Variants in IL23R observed in about 807,000 individuals in gnomAD.
IL23R encodes the protein interleukin 23 receptor.
Under a neutral mutation model 56.9 loss-of-function variants are expected in IL23R, and 34 were observed. The ratio of observed to expected loss-of-function variants is 0.60; its 90% CI spans 0.45 to 0.80. The LOEUF (loss-of-function observed/expected upper bound fraction) is 0.80. IL23R is among the 30% of genes least tolerant of loss of function. The probability of loss-of-function intolerance (pLI) is 0.00; values close to 1 mark genes in which losing one functional copy is unlikely to be tolerated. For synonymous variants in IL23R, 230 were observed against 249.2 expected, an observed-to-expected ratio of 0.92 and a Z score of 0.73; for missense variants, 635 against 730.0, an observed-to-expected ratio of 0.87 and a Z score of 1.50.
intron 4 of IL23R, among the ~76,000 whole-genome samples, chr1:67,188,325 C>A (rs1647497550): frequency 6.6e-6 from 1 of 152,140 alleles, no homozygotes; most frequent in African/African-American, 2.4e-5. Flanking sequence ...GGACTTCGAC[C>A]TACACTGAGT....
chr1:67,258,037 A>G (rs1653047112), intron 10 of IL23R, among the ~76,000 whole-genome samples: 1 of 152,104 alleles, frequency 6.6e-6, no homozygotes, highest in African/African-American at 2.4e-5. Context: ...CATTCTCGGT[A>G]TGTGAGCAAA....
At chr1:67,145,531 C>A (rs1443148793) in intron 1 of IL23R, among the ~76,000 whole-genome samples, 1 of 152,130 alleles carries the variant, frequency 6.6e-6, no homozygotes, top group African/African-American at 2.4e-5. Context: ...CATACCATTG[C>A]ATTGTTGCTG....
At position 67,141,932 on chromosome 1, in the gene IL23R, G is replaced by A. The variant is rs375485773; in HGVS notation, c.-634+2771G>A. ...AGGGGGAAGCGTATTACAGAAGGGA[G>A]AAACAAAGACAGTTATTCAATTAAG... On this transcript the variant is annotated intron_variant, in intron 1 of 10. Coordinates refer to the IL23R transcript ENST00000637002. Among the ~76,000 whole-genome samples the A allele has an allele frequency of 9.2e-5, 14 of 152,272 alleles. No homozygotes were observed. In the East Asian group the frequency reaches 2.5e-3, roughly 27 times the overall value.
chr1:67,212,656 C>T (rs1008117328), intron 6 of IL23R, among the ~76,000 whole-genome samples: 2 of 151,794 alleles, frequency 1.3e-5, no homozygotes, highest in East Asian at 1.9e-4. Context: ...AGCAATCCTC[C>T]TGCCTCAGTC....
intron 7 of IL23R, among the ~76,000 whole-genome samples, chr1:67,221,583 A>C (rs1452711348): frequency 6.6e-6 from 1 of 152,190 alleles, no homozygotes; most frequent in Admixed American, 6.5e-5. Flanking sequence ...GCACATAATA[A>C]AATGAATCTA....
downstream of IL23R, among the ~76,000 whole-genome samples, chr1:67,264,110 C>T (rs1653282583): frequency 2.0e-5 from 3 of 152,342 alleles, no homozygotes; most frequent in East Asian, 1.9e-4. Flanking sequence ...TTACTCTGCA[C>T]TTTAGCCACA....
At chr1:67,233,554 A>G (rs1462474456) in intron 7 of IL23R, among the ~76,000 whole-genome samples, 19 of 152,292 alleles carry the variant, frequency 1.2e-4, no homozygotes. Flanking sequence ...TTGGTAGGCC[A>G]AAAAATATAG....
At chr1:67,160,144 C>T (rs1322605323) in intron 1 of IL23R, among the ~76,000 whole-genome samples, 3 of 152,244 alleles carry the variant, frequency 2.0e-5, no homozygotes, top group South Asian at 2.1e-4. Context: ...TGAGCCACCG[C>T]GCCCAGCCTG....
chr1:67,211,958 T>C (rs940224567), intron 6 of IL23R, among the ~76,000 whole-genome samples: 11 of 152,188 alleles, frequency 7.2e-5, no homozygotes, highest in African/African-American at 2.7e-4. Context: ...ATTATATAAA[T>C]AGGGAAATAG....
At chr1:67,152,691 G>A (rs1032198562) in intron 1 of IL23R, among the ~76,000 whole-genome samples, 18 of 152,030 alleles carry the variant, frequency 1.2e-4, no homozygotes, top group Non-Finnish European at 2.2e-4. Context: ...CCTTTTCTGC[G>A]TCTATTGAGA....
Position 67,240,295 on chromosome 1 carries a change from G to T in IL23R, c.1148+14G>T. On this transcript the variant is annotated intron_variant, in intron 9 of 10. Coordinates refer to ENST00000347310, the MANE Select transcript of IL23R (RefSeq NM_144701.3). ...ATTCCGAACTGGGTAGGTTTTTGCA[G>T]AATTTCTGTTTTCTGATTTAGACTA... 1 of 1,567,750 alleles carries T rather than the reference G, an allele frequency of 6.4e-7. No individual in the cohort carries two copies. The highest frequency in any genetic ancestry group is 8.8e-7 in the Non-Finnish European group (1 of 1,138,552).
intron 6 of IL23R, among the ~76,000 whole-genome samples, chr1:67,209,824 C>A (rs892595133): frequency 3.3e-5 from 5 of 152,180 alleles, no homozygotes; most frequent in African/African-American, 4.8e-5. Context: ...AAACAGAGAA[C>A]TGTTTCCTCA....
chr1:67,236,941 GACAAAGT>G, intron 8 of IL23R, 139 bp downstream of exon 8: 1 of 681,226 alleles, frequency 1.5e-6, no homozygotes, highest in Non-Finnish European at 2.7e-6. Context: ...GAAAATAATA[GACAAAGT>G]ACAAAGATCT....
chr1:67,167,363 G>C (rs749644393), intron 1 of IL23R, among the ~76,000 whole-genome samples: 1 of 152,182 alleles, frequency 6.6e-6, no homozygotes, highest in African/African-American at 2.4e-5. Flanking sequence ...GAGCCACCAC[G>C]CCTCCCCAGA....
intron 7 of IL23R, among the ~76,000 whole-genome samples, chr1:67,232,823 C>T (rs577293754): frequency 3.9e-5 from 6 of 152,078 alleles, no homozygotes; most frequent in South Asian, 2.1e-4. Context: ...CCCCATGAGT[C>T]GCGGGAGGTA....
chr1:67,203,815 C>T (rs946182589), intron 5 of IL23R, among the ~76,000 whole-genome samples: 4 of 152,082 alleles, frequency 2.6e-5, no homozygotes, highest in African/African-American at 4.8e-5. Flanking sequence ...TGAATGGCAG[C>T]GCAGAGTTAG....
At chr1:67,250,955 G>C (rs550397025) in intron 9 of IL23R, among the ~76,000 whole-genome samples, 1 of 152,294 alleles carries the variant, frequency 6.6e-6, no homozygotes, top group East Asian at 1.9e-4. Flanking sequence ...AATTCTTGAG[G>C]TTCCATGAGG....
chr1:67,198,989 CTAA>C (rs1648395084), intron 4 of IL23R, among the ~76,000 whole-genome samples: 2 of 152,118 alleles, frequency 1.3e-5, no homozygotes, highest in Admixed American at 1.3e-4. Context: ...CTATTTCAGA[CTAA>C]TAATCCAATT....
intron 3 of IL23R, among the ~76,000 whole-genome samples, chr1:67,182,504 G>A (rs868164541): frequency 6.6e-6 from 1 of 152,144 alleles, no homozygotes; most frequent in African/African-American, 2.4e-5. Flanking sequence ...ATTAGGGTGG[G>A]AGTGACCCTA....
Sources: allele counts gnomAD v4.1 joint callset (sites outside exome capture counted in the v4.1 genomes callset), GRCh38; gene constraint gnomAD v4.1.1; transcripts MANE v1.5; gene names NCBI Gene and HGNC (gene_info 2026-07-23, HGNC 2026-07-21).